DNAJB4: variants seen among roughly 807,000 people sequenced by gnomAD.
The protein encoded by DNAJB4 is dnaJ homolog subfamily B member 4.
DNAJB4 carries 10 observed loss-of-function variants against 26.6 expected under a neutral mutation model. The ratio of observed to expected loss-of-function variants is 0.38; its 90% CI spans 0.23 to 0.64. The LOEUF (loss-of-function observed/expected upper bound fraction) is 0.64, where lower values mean the gene tolerates loss of function less well. Ranked by LOEUF, DNAJB4 falls within the 30% of genes least tolerant of loss-of-function variation. DNAJB4 has a pLI of 0.58. For synonymous variants in DNAJB4, 136 were observed against 134.8 expected (o/e 1.01, Z -0.06); for missense variants, 328 against 408.2 (o/e 0.80, Z 1.69).
chr1:78,008,985 T>C (rs1156392300), intron 1 of DNAJB4, among the ~76,000 whole-genome samples: 1 of 152,096 alleles, frequency 6.6e-6, no homozygotes, highest in Non-Finnish European at 1.5e-5. Context: ...ATTTTGTTAT[T>C]GCATATGATT....
intron 1 of DNAJB4, among the ~76,000 whole-genome samples, chr1:78,010,841 T>TA (rs1660448904): frequency 6.6e-6 from 1 of 152,358 alleles, no homozygotes; most frequent in Admixed American, 6.5e-5. Context: ...TCTGTACCGA[T>TA]ACTCAAGACA....
At chr1:78,014,894 C>G (rs1282847393) in intron 2 of DNAJB4, among the ~76,000 whole-genome samples, 1 of 152,216 alleles carries the variant, frequency 6.6e-6, no homozygotes, top group African/African-American at 2.4e-5. Flanking sequence ...AGCCACCGCA[C>G]CTGGCCCAGT....
At chr1:77,991,338 C>G (rs1409619926) in intron 1 of DNAJB4, among the ~76,000 whole-genome samples, 2 of 152,116 alleles carry the variant, frequency 1.3e-5, no homozygotes, top group African/African-American at 2.4e-5. Context: ...TTTGTCAGTT[C>G]TGTATTTATG....
chr1:77,988,302 T>C (rs1250148452), intron 1 of DNAJB4, among the ~76,000 whole-genome samples: 1 of 152,100 alleles, frequency 6.6e-6, no homozygotes, highest in African/African-American at 2.4e-5. Flanking sequence ...GGATTACAGG[T>C]CTGAGCCACT....
chr1:78,009,023 TA>T lies in DNAJB4; in HGVS notation c.211+3703del, dbSNP rs200992348. ...TTCAGTAACTTCAAATATTAAAAGG[TA>T]GTGTTTAAATGATAAAACTTGTATT... is the stretch of plus-strand genomic sequence containing the variant. On this transcript the variant is annotated intron_variant, in intron 1 of 2. Coordinates refer to ENST00000370763, the MANE Select transcript of DNAJB4 (RefSeq NM_007034.5). Among the ~76,000 whole-genome samples the T allele has an allele frequency of 9.1e-3, 1,382 of 152,244 alleles. 16 individuals carry two copies. The highest frequency in any genetic ancestry group is 0.029 in the African/African-American group (1,218 of 41,564).
upstream of DNAJB4, chr1:78,004,337 T>C (rs541589900): frequency 5.4e-4 from 83 of 152,332 alleles, no homozygotes; most frequent in African/African-American, 1.9e-3. Context: ...TAAAATCATG[T>C]TTAAGTCCTT....
At chr1:77,980,930 T>G (rs1018317666) in intron 1 of DNAJB4, among the ~76,000 whole-genome samples, 5 of 152,186 alleles carry the variant, frequency 3.3e-5, no homozygotes, top group African/African-American at 1.2e-4. Flanking sequence ...GATTTAATCA[T>G]AATGTATAGA....
At chr1:77,984,415 C>T (rs1246682974) in intron 1 of DNAJB4, among the ~76,000 whole-genome samples, 1 of 152,208 alleles carries the variant, frequency 6.6e-6, no homozygotes, top group East Asian at 1.9e-4. Context: ...CGTGGACCTA[C>T]TGAATCATGT....
intron 2 of DNAJB4, 48 bp downstream of exon 2, chr1:78,013,667 G>C (rs1254161638): frequency 7.3e-7 from 1 of 1,372,572 alleles, no homozygotes. Flanking sequence ...TTATGTAGTT[G>C]ATCATAGGGA....
At chr1:78,015,797 C>A (rs1480250682) in intron 2 of DNAJB4, among the ~76,000 whole-genome samples, 1 of 152,038 alleles carries the variant, frequency 6.6e-6, no homozygotes, top group Non-Finnish European at 1.5e-5. Flanking sequence ...GATCTGCCCG[C>A]CTTGGCCTCC....
At chr1:78,004,435 G>A (rs28362659), upstream of DNAJB4, 7,210 of 152,202 alleles carry the variant, frequency 0.047, 230 homozygotes, top group East Asian at 0.11. Context: ...TGGCGTTTCT[G>A]ATTGATAGAC....
At chr1:77,982,041 T>C (rs1210840724) in intron 1 of DNAJB4, among the ~76,000 whole-genome samples, 1 of 152,222 alleles carries the variant, frequency 6.6e-6, no homozygotes, top group Non-Finnish European at 1.5e-5. Flanking sequence ...GATTGAAAGT[T>C]TGGGACTCCT....
chr1:78,012,159 C>CTTTTTTTTTTTTTTTTTTT (rs1270987929), intron 1 of DNAJB4, among the ~76,000 whole-genome samples: 2 of 88,806 alleles, frequency 2.3e-5, no homozygotes, highest in Non-Finnish European at 3.8e-5. Flanking sequence ...CTTTTCTTTT[C>CTTTTTTTTTTTTTTTTTTT]TTTTTTTTTT....
At chr1:78,003,910 A>G (rs1256904391), upstream of DNAJB4, among the ~76,000 whole-genome samples, 1 of 152,238 alleles carries the variant, frequency 6.6e-6, no homozygotes, top group Non-Finnish European at 1.5e-5. Flanking sequence ...ATTACCTAAA[A>G]TGATATTATA....
Position 78,013,289 on chromosome 1 carries a change from G to A in DNAJB4, c.450G>A (p.Gly150=). ...NGYPRDRNSV[G]PSRLKQDPPV... ...ATCCAAGAGACAGGAATTCTGTGGG[G>A]CCATCCCGCCTCAAACAAGATCCTC... Residue 150 remains glycine, a synonymous_variant, in exon 2 of 3, where the codon GGG becomes GGA. Transcript: ENST00000370763. 9 of 1,614,034 alleles carry A rather than the reference G, an allele frequency of 5.6e-6. No homozygotes were observed. Among genetic ancestry groups the A allele is most frequent in the East Asian group, 2.2e-5 (1 of 44,888 alleles).
intron 1 of DNAJB4, 128 bp from the exon 2 acceptor site, chr1:78,012,923 G>A: frequency 1.5e-6 from 1 of 671,834 alleles, no homozygotes; most frequent in South Asian, 2.7e-5. Flanking sequence ...TTAGTAAAGT[G>A]GCATTTCTGG....
chr1:77,991,876 G>T (rs1356323228), intron 1 of DNAJB4, among the ~76,000 whole-genome samples: 1 of 152,072 alleles, frequency 6.6e-6, no homozygotes, highest in Non-Finnish European at 1.5e-5. Flanking sequence ...AGTTCTGTTG[G>T]CTATGAGTTC....
intron 1 of DNAJB4, among the ~76,000 whole-genome samples, chr1:77,985,281 T>C (rs1221937338): frequency 1.3e-5 from 2 of 152,186 alleles, no homozygotes; most frequent in African/African-American, 4.8e-5. Context: ...GGAACCTTGC[T>C]TCTCTGTTCT....
chr1:78,016,240 C>T lies in DNAJB4; in HGVS notation c.1007C>T (p.Ala336Val), dbSNP rs1265313985. The part of the protein sequence containing the change: ...SKEVLRKHLP[A>V]S ...GAAGTACTTAGGAAACATCTTCCTG[C>T]CTCATAGAATGAAGAACTTTGTTAC... Residue 336 changes from alanine to valine, a missense_variant, in exon 3 of 3, where the codon GCC becomes GTC. Physicochemically the swap from Ala to Val is moderately conservative, Grantham distance 64. Transcript: ENST00000370763. The T allele has an allele frequency of 6.2e-7, 1 of 1,612,202 alleles. No homozygotes were observed. The highest frequency in any genetic ancestry group is 1.1e-5 in the South Asian group (1 of 90,888).
Sources: gnomAD v4.1 joint callset for allele counts (sites outside exome capture counted in the v4.1 genomes callset) on GRCh38, gnomAD v4.1.1 for gene constraint, MANE v1.5 for transcripts, NCBI Gene and HGNC (gene_info 2026-07-23, HGNC 2026-07-21) for gene names.